The following CAAP1 variants were observed in gnomAD, a reference collection of about 807,000 sequenced individuals.
CAAP1 encodes the protein conserved anti-apoptotic protein.
In CAAP1, 20 loss-of-function variants were observed where a neutral mutation model predicts 34.0. The observed-to-expected ratio is 0.59, with a 90% confidence interval of 0.41 to 0.86. The LOEUF (loss-of-function observed/expected upper bound fraction) is 0.86, where lower values mean the gene tolerates loss of function less well. Ranked by LOEUF, CAAP1 falls within the 40% of genes least tolerant of loss-of-function variation. The pLI is 0.00. For synonymous variants in CAAP1, 213 were observed against 166.7 expected, an observed-to-expected ratio of 1.28 and a Z score of -2.14; for missense variants, 538 against 450.5, an observed-to-expected ratio of 1.19 and a Z score of -1.76.
chr9:26,889,427 A>C (rs959326276), intron 1 of CAAP1, among the ~76,000 whole-genome samples: 1 of 152,028 alleles, frequency 6.6e-6, no homozygotes, highest in African/African-American at 2.4e-5. Flanking sequence ...TCAAAAAAAC[A>C]AAAACAAAAA....
chr9:26,866,000 C>T (rs1462625602), intron 4 of CAAP1, among the ~76,000 whole-genome samples: 1 of 152,080 alleles, frequency 6.6e-6, no homozygotes, highest in African/African-American at 2.4e-5. Context: ...ACACATACCA[C>T]TATACCCGGT....
chr9:26,871,206 T>C (rs1823267569), intron 4 of CAAP1, among the ~76,000 whole-genome samples: 1 of 152,190 alleles, frequency 6.6e-6, no homozygotes, highest in African/African-American at 2.4e-5. Flanking sequence ...TTCAAATTCT[T>C]AGTATTCTAA....
intron 4 of CAAP1, among the ~76,000 whole-genome samples, chr9:26,872,619 CA>C (rs1259830746): frequency 6.6e-6 from 1 of 150,618 alleles, no homozygotes; most frequent in East Asian, 1.9e-4. Flanking sequence ...TGCAGTGGCA[CA>C]ATCAAAGCTC....
In CAAP1 at chr9:26,892,000, G is replaced by A. The variant is rs904384352; in HGVS notation, c.303+413C>T. 4.4e-4 allele frequency among the ~76,000 whole-genome samples: 67 copies of A among 152,132 alleles called. 2 individuals carry two copies. The highest frequency in any genetic ancestry group is 1.6e-3 in the African/African-American group (65 of 41,418). ...AACAAACTCTGTGACCGTGGGTAAA[G>A]TTTAACTTCTTTGGGCCTCAATTTT... is the stretch of plus-strand genomic sequence containing the variant. On this transcript the variant is annotated intron_variant, in intron 1 of 5. Coordinates refer to ENST00000333916, the MANE Select transcript of CAAP1 (RefSeq NM_024828.4).
intron 5 of CAAP1, among the ~76,000 whole-genome samples, chr9:26,858,822 CA>C (rs756404393): frequency 0.043 from 3,785 of 87,124 alleles, 214 homozygotes; most frequent in African/African-American, 0.14. Context: ...GGCTCCATCT[CA>C]AAAAAAAAAA....
intron 5 of CAAP1, among the ~76,000 whole-genome samples, chr9:26,845,305 C>T (rs10967560): frequency 0.12 from 18,934 of 151,538 alleles, 2,188 homozygotes; most frequent in East Asian, 0.68. Flanking sequence ...AGTTGTTCAT[C>T]TTCATCTCTT....
intron 1 of CAAP1, among the ~76,000 whole-genome samples, chr9:26,890,472 A>AT (rs1389030105): frequency 4.6e-5 from 7 of 152,072 alleles, no homozygotes; most frequent in Non-Finnish European, 7.3e-5. Flanking sequence ...ATATTAAATA[A>AT]TTTTTTTAAA....
At chr9:26,855,868 T>C (rs1201576523) in intron 5 of CAAP1, among the ~76,000 whole-genome samples, 1 of 152,188 alleles carries the variant, frequency 6.6e-6, no homozygotes, top group African/African-American at 2.4e-5. Context: ...AGGTTTACAC[T>C]ATGTGACCTC....
intron 1 of CAAP1, among the ~76,000 whole-genome samples, chr9:26,891,092 T>C (rs1178006668): frequency 6.6e-6 from 1 of 152,232 alleles, no homozygotes; most frequent in Non-Finnish European, 1.5e-5. Flanking sequence ...AATTACATTA[T>C]CTGACTAAAG....
intron 4 of CAAP1, among the ~76,000 whole-genome samples, chr9:26,884,061 T>C (rs1219347146): frequency 1.3e-5 from 2 of 152,226 alleles, no homozygotes; most frequent in East Asian, 1.9e-4. Flanking sequence ...ACACAAGTAT[T>C]TATTTTTCTT....
rs571306769 is a variant in CAAP1 at position 26,845,583 on chromosome 9, T to C, written c.740-2936A>G. ...TGGAGACGGGGTTTCACCATGTTGG[T>C]CAGGCTGGTCTGGAACTCCTGACCT... is the stretch of plus-strand genomic sequence containing the variant. On this transcript the variant is annotated intron_variant, in intron 5 of 5. Transcript: ENST00000333916. 1.2e-3 allele frequency among the ~76,000 whole-genome samples: 187 copies of C among 152,096 alleles called. 3 individuals are homozygous for C. The highest frequency in any genetic ancestry group is 2.4e-3 in the Admixed American group (36 of 15,264).
intron 5 of CAAP1, among the ~76,000 whole-genome samples, chr9:26,850,291 T>TCA (rs1321113406): frequency 5.3e-5 from 8 of 152,054 alleles, no homozygotes; most frequent in Non-Finnish European, 1.0e-4. Flanking sequence ...ACTCTCTCTC[T>TCA]CACACACACA....
At position 26,886,139 on chromosome 9, in the gene CAAP1, A is replaced by G; in HGVS notation, c.554T>C (p.Leu185Pro). 6.4e-7 allele frequency: 1 copy of G among 1,555,290 alleles called. No individual in the cohort carries two copies. Among genetic ancestry groups the G allele is most frequent in the East Asian group, 2.3e-5 (1 of 43,022 alleles). ...IKKLCQEQLE[L>P]LSEKKILKIL... ...CTTCAAAATTTTTTTTTCAGACAGGAGCTCTAACTGTTCCTGGCATAGTTT... is the reference window on the plus strand; with the variant it reads ...CTTCAAAATTTTTTTTTCAGACAGGGGCTCTAACTGTTCCTGGCATAGTTT... The change falls in exon 3 of 6, where the codon CTC becomes CCC. Residue 185 changes from leucine (L) to proline (P), a missense_variant. Transcript: ENST00000333916.
intron 4 of CAAP1, among the ~76,000 whole-genome samples, chr9:26,862,593 A>C (rs1823027766): frequency 6.6e-6 from 1 of 152,140 alleles, no homozygotes; most frequent in African/African-American, 2.4e-5. Context: ...TGTTCTGTTA[A>C]GGAAAGTTGA....
At chr9:26,855,094 G>A (rs985028370) in intron 5 of CAAP1, among the ~76,000 whole-genome samples, 4 of 152,238 alleles carry the variant, frequency 2.6e-5, no homozygotes, top group Admixed American at 2.0e-4. Context: ...CATCCAAGAT[G>A]TTATGGGTGA....
At chr9:26,860,331 A>T (rs1822973238) in intron 5 of CAAP1, among the ~76,000 whole-genome samples, 1 of 152,224 alleles carries the variant, frequency 6.6e-6, no homozygotes, top group African/African-American at 2.4e-5. Context: ...AATGTCAAAA[A>T]CTACTGATTT....
intron 4 of CAAP1, among the ~76,000 whole-genome samples, chr9:26,876,472 G>GGTTTT (rs1554652213): frequency 7.2e-5 from 9 of 125,728 alleles, no homozygotes; most frequent in South Asian, 5.1e-4. Flanking sequence ...ATTCTAGAAG[G>GGTTTT]TTTTTTTTTT....
intron 4 of CAAP1, among the ~76,000 whole-genome samples, chr9:26,870,614 A>C (rs1226475160): frequency 6.8e-6 from 1 of 148,088 alleles, no homozygotes; most frequent in Non-Finnish European, 1.5e-5. Flanking sequence ...GTGTGTGTAT[A>C]CATATATTTT....
chr9:26,890,504 T>C (rs1317308560), intron 1 of CAAP1, among the ~76,000 whole-genome samples: 3 of 151,964 alleles, frequency 2.0e-5, no homozygotes, highest in Non-Finnish European at 2.9e-5. Flanking sequence ...AAAATCACTC[T>C]AAAAAACTCC....
Sources: allele counts gnomAD v4.1 joint callset (sites outside exome capture counted in the v4.1 genomes callset), GRCh38; gene constraint gnomAD v4.1.1; transcripts MANE v1.5; gene names NCBI Gene and HGNC (gene_info 2026-07-23, HGNC 2026-07-21).